BDH1: variants seen among roughly 807,000 people sequenced by gnomAD.
BDH1 encodes the protein D-beta-hydroxybutyrate dehydrogenase, mitochondrial.
Under a neutral mutation model 33.1 loss-of-function variants are expected in BDH1, and 30 were observed. That is an observed-to-expected ratio of 0.91 (90% CI 0.68 to 1.23). BDH1 has a LOEUF of 1.23. Among genes scored for constraint, BDH1 ranks in the 50% most tolerant of loss-of-function variants. BDH1 has a pLI of 0.00. For missense variants in BDH1, 443 were observed against 464.4 expected, an observed-to-expected ratio of 0.95 and a Z score of 0.42; for synonymous variants, 190 against 183.6, an observed-to-expected ratio of 1.03 and a Z score of -0.28.
Position 197,543,227 on chromosome 3 carries a change from T to C in BDH1, c.83+3134A>G, listed in dbSNP as rs569214325. 20 of 968,742 alleles carry C rather than the reference T, an allele frequency of 2.1e-5. No individual in the cohort carries two copies. The Admixed American group carries it at 1.1e-3, about 54-fold the overall frequency. The allele number at this position is 968,742 out of a possible 1,614,324, so 60.0% of individuals were successfully genotyped here. A position where few individuals can be genotyped will look rare whatever the true frequency, so the allele number is the denominator to read the frequency against. Reference sequence around the variant, plus strand: ...GCACAGGTGCAGCTCGGGAGAAATATGGCCTCACGGCAGCATCTGTGAAAA... The same window carrying C: ...GCACAGGTGCAGCTCGGGAGAAATACGGCCTCACGGCAGCATCTGTGAAAA... On this transcript the variant is annotated intron_variant, in intron 3 of 7. Coordinates refer to ENST00000392379, the MANE Select transcript of BDH1 (RefSeq NM_203314.3).
chr3:197,517,285 C>T (rs1293134000), intron 6 of BDH1, among the ~76,000 whole-genome samples: 1 of 87,294 alleles, frequency 1.1e-5, no homozygotes, highest in African/African-American at 4.3e-5. Context: ...TGGTCTCCAT[C>T]CCCCCCTCAG....
intron 5 of BDH1, chr3:197,529,193 C>T (rs1016371244): frequency 2.0e-5 from 3 of 152,206 alleles, no homozygotes; most frequent in Admixed American, 6.5e-5. Context: ...AAAACCTGCA[C>T]ACCTTTGCAA....
chr3:197,544,138 T>C (rs1027195232), intron 3 of BDH1, among the ~76,000 whole-genome samples: 1 of 152,154 alleles, frequency 6.6e-6, no homozygotes, highest in Non-Finnish European at 1.5e-5. Context: ...GTTTTCCCTC[T>C]GAGGGACTGT....
Position 197,514,866 on chromosome 3 carries a change from A to AG in BDH1, c.410-451dup, listed in dbSNP as rs1712522111. Among the ~76,000 whole-genome samples the AG allele has an allele frequency of 1.3e-5, 2 of 152,296 alleles. No homozygotes were observed. Among genetic ancestry groups the AG allele is most frequent in the African/African-American group, 4.8e-5 (2 of 41,564 alleles). ...TCTTGCCAGAAGCCAGGGAAATCAC[A>AG]GGGGAGGTGGGCACGAGGAGGCAGC... On this transcript the variant is annotated intron_variant, in intron 6 of 7. Coordinates refer to ENST00000392379, the MANE Select transcript of BDH1 (RefSeq NM_203314.3). The surrounding 1 kb of genome is among the most constrained non-coding windows in gnomAD (Gnocchi z 4.2).
rs1711806829 is a variant in BDH1, at chr3:197,510,578, G to A, written c.*1317C>T. 6.7e-6 allele frequency: 1 copy of A among 148,616 alleles called. No individual in the cohort carries two copies. 9.2% of individuals were successfully genotyped at this position (148,616 alleles called of 1,614,324 possible). On this transcript the variant is annotated 3_prime_UTR_variant, in exon 8 of 8. Transcript: ENST00000392379. ...GAGGCGAGGCGGGAATGAAGGCCAC[G>A]CTGAAGCCCTGCAGAACAGGGGTGT...
rs976231742 is a variant in BDH1, at chr3:197,554,064, C to T, written c.-44+498G>A. ...TACTTTTCTCCTCTACTCATTCAAC[C>T]GTTTGCTACACCATCCCTCAACAAG... On this transcript the variant is annotated intron_variant, in intron 2 of 7. Coordinates refer to ENST00000392379, the MANE Select transcript of BDH1 (RefSeq NM_203314.3). This position sits in a 1 kb window ranked among gnomAD's most constrained non-coding sequence, Gnocchi z 4.4. Among the ~76,000 whole-genome samples the T allele has an allele frequency of 1.4e-4, 21 of 152,312 alleles. No individual in the cohort carries two copies. The East Asian group carries it at 4.0e-3, about 29-fold the overall frequency.
At position 197,528,331 on chromosome 3, in the gene BDH1, T is replaced by C. The variant is rs968117052; in HGVS notation, c.267+4081A>G. 3 of 150,976 alleles carry C rather than the reference T, an allele frequency of 2.0e-5. No homozygotes were observed. The highest frequency in any genetic ancestry group is 2.9e-5 in the Non-Finnish European group (2 of 68,180). The allele number at this position is 150,976 out of a possible 1,614,324, so 9.4% of individuals were successfully genotyped here. On this transcript the variant is annotated intron_variant, in intron 5 of 7. Coordinates refer to ENST00000392379, the MANE Select transcript of BDH1 (RefSeq NM_203314.3). The surrounding 1 kb of genome is among the most constrained non-coding windows in gnomAD (Gnocchi z 5.1). ...GTGTGTGTGTGTGTGTGTGTGTGTG[T>C]GCATGTGCTGAAATGACCCAGGAGA...
chr3:197,562,001 G>A (rs1717276805), intron 1 of BDH1, among the ~76,000 whole-genome samples: 1 of 152,160 alleles, frequency 6.6e-6, no homozygotes, highest in African/African-American at 2.4e-5. Context: ...GGAGTGTTGT[G>A]TTTTCTCTGT....
chr3:197,566,731 C>T (rs1717446319), intron 1 of BDH1, among the ~76,000 whole-genome samples: 1 of 152,136 alleles, frequency 6.6e-6, no homozygotes, highest in Non-Finnish European at 1.5e-5. Flanking sequence ...CTAGTCTTGC[C>T]TAACGTTTCT....
In BDH1 at chr3:197,516,651, T is replaced by C. The variant is rs941290216; in HGVS notation, c.410-2235A>G. On this transcript the variant is annotated intron_variant, in intron 6 of 7. Transcript: ENST00000392379. This position sits in a 1 kb window ranked among gnomAD's most constrained non-coding sequence, Gnocchi z 4.2. ...CGCTTCCACCTGAATGTCCCACGGGTCCCTGACTCACCCTAACCACAACCA... is the reference window on the plus strand; with the variant it reads ...CGCTTCCACCTGAATGTCCCACGGGCCCCTGACTCACCCTAACCACAACCA... Among the ~76,000 whole-genome samples, 1 of 151,916 alleles carries C rather than the reference T, an allele frequency of 6.6e-6. No individual in the cohort carries two copies. Among genetic ancestry groups the C allele is most frequent in the African/African-American group, 2.4e-5 (1 of 41,354 alleles).
chr3:197,547,268 A>G (rs969987649), intron 2 of BDH1, among the ~76,000 whole-genome samples: 3 of 152,362 alleles, frequency 2.0e-5, no homozygotes, highest in African/African-American at 7.2e-5. Flanking sequence ...TTCTGTTAAT[A>G]GTGATTCCTC....
chr3:197,520,000 G>A (rs1164161161), intron 6 of BDH1, among the ~76,000 whole-genome samples: 1 of 152,160 alleles, frequency 6.6e-6, no homozygotes, highest in Non-Finnish European at 1.5e-5. Flanking sequence ...TGGAGAAGGG[G>A]AAGAGGACCC....
chr3:197,573,013 T>G (rs917090213), intron 1 of BDH1, among the ~76,000 whole-genome samples: 1 of 152,194 alleles, frequency 6.6e-6, no homozygotes, highest in Admixed American at 6.5e-5. Flanking sequence ...AAAATCTAAT[T>G]GCAAAGCTGC....
intron 5 of BDH1, among the ~76,000 whole-genome samples, chr3:197,527,964 T>G (rs1714265774): frequency 6.6e-6 from 1 of 152,184 alleles, no homozygotes; most frequent in Non-Finnish European, 1.5e-5. Context: ...TCCTGTTTTA[T>G]TTTTCTCTAC....
chr3:197,551,781 C>G (rs1348879984), intron 2 of BDH1, among the ~76,000 whole-genome samples: 1 of 152,172 alleles, frequency 6.6e-6, no homozygotes, highest in Non-Finnish European at 1.5e-5. Flanking sequence ...GGAACCTGTG[C>G]TTCCCCCATT....
chr3:197,555,400 C>T (rs1314058955), intron 1 of BDH1: 1 of 152,372 alleles, frequency 6.6e-6, no homozygotes, highest in Non-Finnish European at 1.5e-5. Flanking sequence ...CGGTTCCTTC[C>T]CTTCGTGGGG....
At chr3:197,573,205 T>C (rs1717667383) in exon 1 of BDH1, 1 of 152,240 alleles carries the variant, frequency 6.6e-6, no homozygotes, top group South Asian at 2.1e-4. Context: ...GCCTCAGCAC[T>C]ATCAGCATGC....
chr3:197,532,798 G>A (rs1033629380), intron 4 of BDH1, among the ~76,000 whole-genome samples: 2 of 152,236 alleles, frequency 1.3e-5, no homozygotes, highest in African/African-American at 4.8e-5. Context: ...GTGAGAAACA[G>A]AGGTCTTTTT....
In BDH1 at chr3:197,512,299, T is replaced by C; in HGVS notation, c.628A>G (p.Ile210Val). 2 of 1,612,364 alleles carry C rather than the reference T, an allele frequency of 1.2e-6. No individual in the cohort carries two copies. The highest frequency in any genetic ancestry group is 2.2e-5 in the South Asian group (2 of 91,086). Residue 210 changes from isoleucine (I) to valine (V), a missense_variant, in exon 8 of 8, where the codon ATC becomes GTC. Ile to Val is a conservative substitution (Grantham distance 29, BLOSUM62 3). Transcript: ENST00000392379. ...AAAGCCTCTACCCCGAACTTGGTGA[T>C]GCAGTACGGGGAGCGGGCCGGGTTG... is the stretch of plus-strand genomic sequence containing the variant. Reference protein sequence around the residue: ...MANPARSPYCITKFGVEAFSD... With the variant: ...MANPARSPYCVTKFGVEAFSD...
Sources: gnomAD v4.1 joint callset for allele counts (sites outside exome capture counted in the v4.1 genomes callset) on GRCh38, gnomAD v4.1.1 for gene constraint, Gnocchi (gnomAD v3.1) non-coding constraint, MANE v1.5 for transcripts, NCBI Gene and HGNC (gene_info 2026-07-23, HGNC 2026-07-21) for gene names.